The following IBSP variants were observed in gnomAD, a reference collection of about 807,000 sequenced individuals.
The protein encoded by IBSP is integrin binding sialoprotein.
Under a neutral mutation model 25.5 loss-of-function variants are expected in IBSP, and 19 were observed. The ratio of observed to expected loss-of-function variants is 0.74; its 90% CI spans 0.52 to 1.09. IBSP has a LOEUF of 1.09. IBSP is among the 50% of genes least tolerant of loss of function. The pLI is 0.00. For synonymous variants in IBSP, 144 were observed against 137.6 expected (o/e 1.05, Z -0.33); for missense variants, 360 against 382.3 (o/e 0.94, Z 0.49).
intron 5 of IBSP, among the ~76,000 whole-genome samples, chr4:87,809,640 CAT>C (rs1722140828): frequency 6.6e-6 from 1 of 152,292 alleles, no homozygotes; most frequent in African/African-American, 2.4e-5. Context: ...ATGAAACAAA[CAT>C]GTGGTGCTTT....
At chr4:87,808,281 A>C (rs1336925488) in intron 5 of IBSP, among the ~76,000 whole-genome samples, 1 of 151,474 alleles carries the variant, frequency 6.6e-6, no homozygotes, top group Non-Finnish European at 1.5e-5. Context: ...TCCCAGGTTC[A>C]CGCCATTCTC....
At chr4:87,806,039 A>G (rs1722083275) in intron 4 of IBSP, 83 bp from the exon 5 acceptor site, 1 of 1,033,442 alleles carries the variant, frequency 9.7e-7, no homozygotes, top group African/African-American at 1.6e-5. Context: ...TTTTATTGTG[A>G]TTCAATTAGC....
rs778040574 is a variant in IBSP at position 87,811,846 on chromosome 4, ACAGCTACTTT to A, written c.891_900del (p.Tyr297Ter). 1.1e-5 allele frequency: 18 copies of A among 1,590,910 alleles called. 1 individual carries two copies. The South Asian group carries it at 1.4e-4, about 12-fold the overall frequency. ...AATTACCGAGCCTATGAAGATGAGT[ACAGCTACTTT>A]AAAGGACAAGGCTACGATGGCTATG... On this transcript the variant is annotated frameshift_variant, in exon 7 of 7. Coordinates refer to ENST00000226284, the MANE Select transcript of IBSP (RefSeq NM_004967.4). LOFTEE classifies it high-confidence loss of function.
At chr4:87,800,958 A>G (rs1722004763) in intron 1 of IBSP, among the ~76,000 whole-genome samples, 2 of 152,210 alleles carry the variant, frequency 1.3e-5, no homozygotes, top group South Asian at 2.1e-4. Context: ...TTAAATGTGT[A>G]TGTAAATGTA....
Position 87,802,407 on chromosome 4 carries a change from G to T in IBSP, c.46G>T (p.Ala16Ser). 7 of 1,610,124 alleles carry T rather than the reference G, an allele frequency of 4.3e-6. No individual in the cohort carries two copies. The highest frequency in any genetic ancestry group is 5.9e-6 in the Non-Finnish European group (7 of 1,178,612). Residue 16 changes from alanine (A) to serine (S), a missense_variant, in exon 2 of 7, where the codon GCT (alanine) becomes TCT (serine). Ala to Ser is a moderately conservative substitution (Grantham distance 99). Transcript: ENST00000226284. ...GCTCAGCATTTTGGGAATGGCCTGT[G>T]CTTTCTCAGTAAGTTCTTTATCAAA... is the stretch of plus-strand genomic sequence containing the variant. Reference protein sequence around the residue: ...ILLSILGMACAFSMKNLHRRV... With the variant: ...ILLSILGMACSFSMKNLHRRV...
At position 87,812,020 on chromosome 4, in the gene IBSP, A is replaced by G; in HGVS notation, c.*110A>G. 1 of 839,570 alleles carries G rather than the reference A, an allele frequency of 1.2e-6. No homozygotes were observed. The highest frequency in any genetic ancestry group is 2.1e-5 in the South Asian group (1 of 47,806). 52.0% of individuals were successfully genotyped at this position (839,570 alleles called of 1,614,324 possible). The stretch of plus-strand genomic sequence containing the variant: ...ACAAATGTGCATATTATAATGAGGA[A>G]TGGTACTACCGTTCCAGATTTTCTG... On this transcript the variant is annotated 3_prime_UTR_variant, in exon 7 of 7. Coordinates refer to ENST00000226284, the MANE Select transcript of IBSP (RefSeq NM_004967.4).
intron 1 of IBSP, among the ~76,000 whole-genome samples, chr4:87,801,816 T>C (rs910496836): frequency 2.6e-5 from 4 of 152,044 alleles, no homozygotes; most frequent in African/African-American, 9.7e-5. Context: ...TCTGCACTGT[T>C]TGTAGAGGAC....
chr4:87,805,723 A>G (rs1722080129), intron 4 of IBSP, among the ~76,000 whole-genome samples: 1 of 152,186 alleles, frequency 6.6e-6, no homozygotes, highest in Non-Finnish European at 1.5e-5. Context: ...TAGGCCGCTG[A>G]TTCATTCTCC....
intron 5 of IBSP, among the ~76,000 whole-genome samples, chr4:87,808,095 G>T (rs755440556): frequency 3.3e-5 from 5 of 152,088 alleles, no homozygotes; most frequent in Non-Finnish European, 7.4e-5. Context: ...GATTGTATTT[G>T]TATGAGGAGA....
intron 5 of IBSP, among the ~76,000 whole-genome samples, chr4:87,809,668 A>C (rs1173402308): frequency 5.3e-5 from 8 of 152,228 alleles, no homozygotes; most frequent in Non-Finnish European, 1.0e-4. Context: ...CTTTGTTTTA[A>C]TAATAGGCTA....
chr4:87,808,164 A>C (rs1220083205), intron 5 of IBSP, among the ~76,000 whole-genome samples: 1 of 151,238 alleles, frequency 6.6e-6, no homozygotes, highest in Non-Finnish European at 1.5e-5. Flanking sequence ...CTCCTAAACT[A>C]TTTAGTCTCA....
rs1296788939 is a variant in IBSP at position 87,812,356 on chromosome 4, A to T, written c.*446A>T. ...TGCAACACTGTGTATTAGGTTTATC[A>T]TCCTCATGTATTTTTATGTGACCTG... On this transcript the variant is annotated 3_prime_UTR_variant, in exon 7 of 7. Transcript: ENST00000226284. The T allele has an allele frequency of 6.5e-6, 1 of 154,472 alleles. No homozygotes were observed. The highest frequency in any genetic ancestry group is 2.4e-5 in the African/African-American group (1 of 41,596). 9.6% of individuals were successfully genotyped at this position (154,472 alleles called of 1,614,324 possible).
At position 87,806,133 on chromosome 4, in the gene IBSP, C is replaced by T; in HGVS notation, c.195C>T (p.Asp65=). 1 of 1,611,248 alleles carries T rather than the reference C, an allele frequency of 6.2e-7. No homozygotes were observed. ...GTATATATTTTTAGGGCAGTAGTGA[C>T]TCATCCGAAGAAAATGGAGATGACA... ...LKRFPVQGSS[D]SSEENGDDSS... Residue 65 remains aspartate, a synonymous_variant, in exon 5 of 7, where the codon GAC becomes GAT. Coordinates refer to ENST00000226284, the MANE Select transcript of IBSP (RefSeq NM_004967.4).
rs771317223 is a variant in IBSP at position 87,811,521 on chromosome 4, G to C, written c.565G>C (p.Gly189Arg). The change falls in exon 7 of 7, where the codon GGC becomes CGC. Residue 189 changes from glycine to arginine, a missense_variant. Transcript: ENST00000226284. Reference protein sequence around the residue: ...TSTNSTEAENGNGSSGGDNGE... With the variant: ...TSTNSTEAENRNGSSGGDNGE... ...TACCAACAGCACAGAGGCAGAAAAC[G>C]GCAACGGCAGCAGCGGAGGAGACAA... The C allele has an allele frequency of 4.3e-6, 7 of 1,613,902 alleles. No homozygotes were observed. The Admixed American group carries it at 6.7e-5, about 15-fold the overall frequency.
intron 5 of IBSP, among the ~76,000 whole-genome samples, chr4:87,808,597 G>A (rs192774794): frequency 4.5e-4 from 69 of 152,226 alleles, no homozygotes; most frequent in African/African-American, 1.4e-3. Flanking sequence ...AAAGCAGTGC[G>A]TGCCTTGTGT....
chr4:87,807,246 G>A (rs1462342309), intron 5 of IBSP, among the ~76,000 whole-genome samples: 1 of 152,040 alleles, frequency 6.6e-6, no homozygotes, highest in Non-Finnish European at 1.5e-5. Flanking sequence ...ACTGGTTTAG[G>A]AACCTTTTAA....
At chr4:87,805,326 CTTATAA>C (rs1351040623) in intron 4 of IBSP, among the ~76,000 whole-genome samples, 5 of 152,120 alleles carry the variant, frequency 3.3e-5, no homozygotes, top group African/African-American at 4.8e-5. Context: ...AACTCTTTAG[CTTATAA>C]TTATATTTTT....
At chr4:87,804,327 A>G (rs930953516) in intron 4 of IBSP, among the ~76,000 whole-genome samples, 3 of 152,184 alleles carry the variant, frequency 2.0e-5, no homozygotes, top group African/African-American at 7.2e-5. Flanking sequence ...TCATGTTTCC[A>G]TCAAACAAAT....
At chr4:87,808,124 T>C (rs146490209) in intron 5 of IBSP, among the ~76,000 whole-genome samples, 34 of 152,302 alleles carry the variant, frequency 2.2e-4, no homozygotes, top group African/African-American at 8.2e-4. Context: ...GCATATTTTC[T>C]ATTTGGTGAT....
Sources: gnomAD v4.1 joint callset for allele counts (sites outside exome capture counted in the v4.1 genomes callset) on GRCh38, gnomAD v4.1.1 for gene constraint, MANE v1.5 for transcripts, NCBI Gene and HGNC (gene_info 2026-07-23, HGNC 2026-07-21) for gene names.